EGLN2: variants seen among roughly 807,000 people sequenced by gnomAD.
EGLN2 encodes the protein prolyl hydroxylase EGLN2.
A neutral mutation model predicts 38.2 loss-of-function variants in EGLN2; 15 were observed. That is an observed-to-expected ratio of 0.39 (90% CI 0.26 to 0.60). The LOEUF (loss-of-function observed/expected upper bound fraction) is 0.60, where lower values mean the gene tolerates loss of function less well. Ranked by LOEUF, EGLN2 falls within the 20% of genes least tolerant of loss-of-function variation. The pLI is 0.50. For missense variants in EGLN2, 492 were observed against 570.4 expected (o/e 0.86, Z 1.40); for synonymous variants, 284 against 237.4 (o/e 1.20, Z -1.81).
chr19:40,806,981 T>G, intron 3 of EGLN2, 157 bp from the exon 4 acceptor site: 1 of 1,172,140 alleles, frequency 8.5e-7, no homozygotes, highest in Non-Finnish European at 1.2e-6. Context: ...ATCTCCATGG[T>G]GATGCAGTCT....
chr19:40,799,465 G>C (rs1048861115), intron 1 of EGLN2: 6 of 148,548 alleles, frequency 4.0e-5, no homozygotes, highest in Non-Finnish European at 7.5e-5. Context: ...GGTGGGGGCG[G>C]GGAGCGCGCG....
chr19:40,801,372 G>T lies in EGLN2; in HGVS notation c.800G>T (p.Cys267Phe), dbSNP rs750764341. The change falls in exon 2 of 6, where the codon TGC becomes TTC. Residue 267 changes from cysteine (C) to phenylalanine (F), a missense_variant. Coordinates refer to ENST00000303961, the MANE Select transcript of EGLN2 (RefSeq NM_080732.4). ...MAHVDAVIRH[C>F]AGRLGSYVIN... ...CATGTGGACGCCGTCATCCGCCACT[G>T]CGCAGGGCGGCTGGGCAGCTATGTC... The T allele has an allele frequency of 1.9e-6, 3 of 1,609,912 alleles. No individual in the cohort carries two copies. The South Asian group carries it at 3.3e-5, about 18-fold the overall frequency.
At position 40,807,271 on chromosome 19, in the gene EGLN2, C is replaced by T. The variant is rs1201871996; in HGVS notation, c.1097C>T (p.Thr366Ile). 2.5e-6 allele frequency: 4 copies of T among 1,614,138 alleles called. No homozygotes were observed. Among genetic ancestry groups the T allele is most frequent in the East Asian group, 2.2e-5 (1 of 44,880 alleles). ...NPHEVKPAYA[T>I]RYAITVWYFD... ...CACGAGGTGAAGCCAGCCTATGCCA[C>T]CAGGTATGACCTGTACTTCTGGAGA... Residue 366 changes from threonine (T) to isoleucine (I), a missense_variant, in exon 4 of 6, where the codon ACC (threonine) becomes ATC (isoleucine). Thr to Ile is a moderately conservative substitution (Grantham distance 89). Transcript: ENST00000303961.
rs2083249920 is a variant in EGLN2 at position 40,800,752 on chromosome 19, G to A, written c.180G>A (p.Gly60=). The change falls in exon 2 of 6, where the codon GGG becomes GGA. Residue 60 remains glycine (G), a synonymous_variant. Coordinates refer to ENST00000303961, the MANE Select transcript of EGLN2 (RefSeq NM_080732.4). ...GAGTGCCTAGTGAGGCCTCGGCAGGGAGTGGGACCCCCAGAGCCACAGCCA... is the reference window on the plus strand; with the variant it reads ...GAGTGCCTAGTGAGGCCTCGGCAGGAAGTGGGACCCCCAGAGCCACAGCCA... ...CPGVPSEASA[G]SGTPRATATS... 1.9e-6 allele frequency: 3 copies of A among 1,613,678 alleles called. No homozygotes were observed. The highest frequency in any genetic ancestry group is 2.5e-6 in the Non-Finnish European group (3 of 1,179,804).
rs375731480 is a variant in EGLN2, at chr19:40,801,293, G to T, written c.721G>T (p.Ala241Ser). 4 of 1,613,132 alleles carry T rather than the reference G, an allele frequency of 2.5e-6. No homozygotes were observed. Among genetic ancestry groups the T allele is most frequent in the Non-Finnish European group, 3.4e-6 (4 of 1,180,016 alleles). Residue 241 changes from alanine to serine, a missense_variant, in exon 2 of 6, where the codon GCC becomes TCC. By Grantham distance (99) the Ala-to-Ser change is moderately conservative. Coordinates refer to ENST00000303961, the MANE Select transcript of EGLN2 (RefSeq NM_080732.4). ...PPRSIRGDQI[A>S]WVEGHEPGCR... ...GCGCAGCATCCGTGGGGACCAGATT[G>T]CCTGGGTGGAAGGCCATGAACCAGG...
chr19:40,801,804 G>A (rs1396049686), intron 2 of EGLN2, among the ~76,000 whole-genome samples: 2 of 151,820 alleles, frequency 1.3e-5, no homozygotes, highest in African/African-American at 4.8e-5. Flanking sequence ...CCTAGGCAGA[G>A]GACCCTGCGG....
rs1277480693 is a variant in EGLN2, at chr19:40,807,971, C to T, written c.*107C>T. ...CCACCGCTGCTGCTTCTGACTTTGC[C>T]TCTGTCCTGCCTGGTGTGGAGGGCT... On this transcript the variant is annotated 3_prime_UTR_variant, in exon 6 of 6. Transcript: ENST00000303961. 5 of 1,127,966 alleles carry T rather than the reference C, an allele frequency of 4.4e-6. No individual in the cohort carries two copies. The highest frequency in any genetic ancestry group is 6.5e-6 in the Non-Finnish European group (5 of 766,970). The allele number at this position is 1,127,966 out of a possible 1,614,324, so 69.9% of individuals were successfully genotyped here. A position where few individuals can be genotyped will look rare whatever the true frequency, so the allele number is the denominator to read the frequency against.
chr19:40,806,964 C>G (rs2145092483), intron 3 of EGLN2, 174 bp from the exon 4 acceptor site: 1 of 1,089,096 alleles, frequency 9.2e-7, no homozygotes, highest in South Asian at 1.6e-5. Flanking sequence ...TTAGTAGCTT[C>G]CTGCCCATCT....
At chr19:40,807,752 C>T (rs1389344142) in intron 5 of EGLN2, 57 bp from the exon 6 acceptor site, 2 of 1,592,864 alleles carry the variant, frequency 1.3e-6, no homozygotes, top group African/African-American at 2.7e-5. Context: ...CCCAGGTTTC[C>T]CTTGGCTTCT....
chr19:40,806,241 A>G, intron 2 of EGLN2: 1 of 354,288 alleles, frequency 2.8e-6, no homozygotes. Flanking sequence ...GAAATGGCTG[A>G]GGTGGGGTTT....
chr19:40,803,392 C>T (rs967397866), intron 2 of EGLN2, among the ~76,000 whole-genome samples: 4 of 151,498 alleles, frequency 2.6e-5, no homozygotes, highest in African/African-American at 7.3e-5. Context: ...CCTTGATTGT[C>T]CTAGGGAAGT....
chr19:40,800,666 G>T lies in EGLN2; in HGVS notation c.94G>T (p.Ala32Ser). 6.2e-7 allele frequency: 1 copy of T among 1,614,034 alleles called. No individual in the cohort carries two copies. Among genetic ancestry groups the T allele is most frequent in the South Asian group, 1.1e-5 (1 of 91,084 alleles). Reference protein sequence around the residue: ...SEPLEPEPGRARMGVESYLPC... With the variant: ...SEPLEPEPGRSRMGVESYLPC... ...GCCCTTGGAGCCTGAGCCTGGCCGG[G>T]CCAGGATGGGAGTGGAGAGTTACCT... is the stretch of plus-strand genomic sequence containing the variant. Residue 32 changes from alanine (A) to serine (S), a missense_variant, in exon 2 of 6, where the codon GCC (alanine) becomes TCC (serine). By Grantham distance (99) the Ala-to-Ser change is moderately conservative. Transcript: ENST00000303961.
At chr19:40,807,040 C>G (rs529180794) in intron 3 of EGLN2, 98 bp from the exon 4 acceptor site, 1 of 1,556,788 alleles carries the variant, frequency 6.4e-7, no homozygotes, top group Non-Finnish European at 8.7e-7. Context: ...GGGAGTGATG[C>G]AGGCAGACGC....
At position 40,800,419 on chromosome 19, in the gene EGLN2, A is replaced by G; in HGVS notation, c.-154A>G. 2 of 1,187,888 alleles carry G rather than the reference A, an allele frequency of 1.7e-6. No homozygotes were observed. Among genetic ancestry groups the G allele is most frequent in the East Asian group, 2.6e-5 (1 of 38,456 alleles). The allele number at this position is 1,187,888 out of a possible 1,614,324, so 73.6% of individuals were successfully genotyped here. On this transcript the variant is annotated 5_prime_UTR_variant, in exon 2 of 6. Transcript: ENST00000303961. ...AGCAAGCAACCCCCAGGGCACGAGA[A>G]GAGCTCTTGCTGTCTGCCCTGCCTC...
At chr19:40,805,290 C>T (rs1817464040) in intron 2 of EGLN2, 1 of 152,240 alleles carries the variant, frequency 6.6e-6, no homozygotes, top group African/African-American at 2.4e-5. Context: ...CCAGTCCTCC[C>T]CTTTTTGTGT....
rs192899206 is a variant in EGLN2, at chr19:40,806,918, G to A, written c.964-220G>A. ...TGGTGCTGTCTGCCCAGCCCCACCC[G>A]GCCTTGTAATGAACACTTTCCCCCT... On this transcript the variant is annotated intron_variant, in intron 3 of 5. Transcript: ENST00000303961. The A allele has an allele frequency of 4.1e-5, 38 of 925,430 alleles. No homozygotes were observed. In the Admixed American group the frequency reaches 6.4e-4, roughly 16 times the overall value. The allele number at this position is 925,430 out of a possible 1,614,324, so 57.3% of individuals were successfully genotyped here. A position where few individuals can be genotyped will look rare whatever the true frequency, so the allele number is the denominator to read the frequency against.
Position 40,801,414 on chromosome 19 carries a change from A to C in EGLN2, c.842A>C (p.Lys281Thr). ...AGCTATGTCATCAACGGGCGCACCA[A>C]GGTAAGGCTAGGTGGGGGCCTCTTT... ...LGSYVINGRTKAMVACYPGNG... is the reference protein window; with the variant it reads ...LGSYVINGRTTAMVACYPGNG... The change falls in exon 2 of 6, where the codon AAG (lysine) becomes ACG (threonine). Residue 281 changes from lysine (K) to threonine (T), a missense_variant and splice_region_variant. Physicochemically the swap from Lys to Thr is moderately conservative, Grantham distance 78. Transcript: ENST00000303961. The C allele has an allele frequency of 6.2e-7, 1 of 1,600,946 alleles. No homozygotes were observed. The highest frequency in any genetic ancestry group is 8.5e-7 in the Non-Finnish European group (1 of 1,177,320).
rs1378905741 is a variant in EGLN2 at position 40,801,036 on chromosome 19, G to C, written c.464G>C (p.Ser155Thr). Reference protein sequence around the residue: ...EREGGMSCSCSSGSGEASAGL... With the variant: ...EREGGMSCSCTSGSGEASAGL... The stretch of plus-strand genomic sequence containing the variant: ...GAGGGTGGCATGAGCTGCAGCTGCA[G>C]CAGTGGCAGTGGTGAGGCCAGTGCT... The change falls in exon 2 of 6, where the codon AGC becomes ACC. Residue 155 changes from serine to threonine, a missense_variant. Transcript: ENST00000303961. 6.2e-7 allele frequency: 1 copy of C among 1,612,926 alleles called. No homozygotes were observed. Among genetic ancestry groups the C allele is most frequent in the Non-Finnish European group, 8.5e-7 (1 of 1,179,850 alleles).
chr19:40,799,433 T>G, intron 1 of EGLN2, 171 bp downstream of exon 1: 1 of 81,294 alleles, frequency 1.2e-5, no homozygotes, highest in Admixed American at 1.6e-4. Flanking sequence ...TTACGTTGGG[T>G]GCCGGCCGTT....
Sources: allele counts gnomAD v4.1 joint callset (sites outside exome capture counted in the v4.1 genomes callset), GRCh38; gene constraint gnomAD v4.1.1; transcripts MANE v1.5; gene names NCBI Gene and HGNC (gene_info 2026-07-23, HGNC 2026-07-21).